The following CPA6 variants were observed in gnomAD, a reference collection of about 807,000 sequenced individuals.
CPA6 encodes the protein carboxypeptidase A6.
A neutral mutation model predicts 63.3 loss-of-function variants in CPA6; 58 were observed. That is an observed-to-expected ratio of 0.92 (90% CI 0.74 to 1.14). CPA6 has a LOEUF of 1.14. Among genes scored for constraint, CPA6 ranks in the 50% most tolerant of loss-of-function variants. CPA6 has a pLI of 0.00. For missense variants in CPA6, 565 were observed against 526.6 expected (o/e 1.07, Z -0.71); for synonymous variants, 185 against 179.0 (o/e 1.03, Z -0.27).
At chr8:67,645,933 C>T (rs1815703998) in intron 1 of CPA6, among the ~76,000 whole-genome samples, 1 of 152,134 alleles carries the variant, frequency 6.6e-6, no homozygotes, top group Non-Finnish European at 1.5e-5. Context: ...CAGTGTGATG[C>T]CTACCTGACC....
At chr8:67,652,139 A>G (rs1815856987) in intron 1 of CPA6, among the ~76,000 whole-genome samples, 1 of 152,094 alleles carries the variant, frequency 6.6e-6, no homozygotes, top group Admixed American at 6.5e-5. Flanking sequence ...AATTCAGTCT[A>G]TCATTGTTGG....
intron 2 of CPA6, among the ~76,000 whole-genome samples, chr8:67,613,037 C>G (rs569453326): frequency 2.7e-4 from 41 of 152,318 alleles, no homozygotes; most frequent in African/African-American, 9.4e-4. Context: ...AGGTGAGGCT[C>G]TAATGGAAGA....
intron 2 of CPA6, among the ~76,000 whole-genome samples, chr8:67,614,827 T>A (rs1289331143): frequency 2.6e-5 from 4 of 152,272 alleles, no homozygotes; most frequent in African/African-American, 9.6e-5. Context: ...GGCCACTGAA[T>A]AAAAACCTGG....
At chr8:67,655,272 A>G (rs1815958088) in intron 1 of CPA6, among the ~76,000 whole-genome samples, 1 of 152,148 alleles carries the variant, frequency 6.6e-6, no homozygotes, top group Admixed American at 6.6e-5. Flanking sequence ...GGAAAAAAGC[A>G]TATGCAAGTC....
intron 1 of CPA6, among the ~76,000 whole-genome samples, chr8:67,728,515 G>C (rs959409194): frequency 6.6e-6 from 1 of 152,070 alleles, no homozygotes; most frequent in African/African-American, 2.4e-5. Flanking sequence ...TGAACACATA[G>C]GTAGCATCCC....
chr8:67,483,940 A>T (rs568586177), intron 7 of CPA6, 82 bp from the exon 8 acceptor site: 1 of 1,122,018 alleles, frequency 8.9e-7, no homozygotes, highest in African/African-American at 1.5e-5. Context: ...AATCAATGAA[A>T]GAGTCATACC....
chr8:67,644,414 G>A (rs532075499), intron 1 of CPA6, among the ~76,000 whole-genome samples: 3 of 152,290 alleles, frequency 2.0e-5, no homozygotes, highest in East Asian at 3.9e-4. Context: ...CACCATGCCC[G>A]GCCATTATGG....
Position 67,523,008 on chromosome 8 carries a change from A to G in CPA6, c.193-4961T>C, listed in dbSNP as rs73692104. Among the ~76,000 whole-genome samples the G allele has an allele frequency of 2.8e-3, 425 of 152,334 alleles. 3 individuals carry two copies. The highest frequency in any genetic ancestry group is 9.5e-3 in the African/African-American group (395 of 41,582). Reference sequence around the variant, plus strand: ...AGTAGTTATTTTTGTTACCATTATCATGGAGATTACAGTGATTATAGAAAA... The same window carrying G: ...AGTAGTTATTTTTGTTACCATTATCGTGGAGATTACAGTGATTATAGAAAA... On this transcript the variant is annotated intron_variant, in intron 2 of 10. Coordinates refer to ENST00000297770, the MANE Select transcript of CPA6 (RefSeq NM_020361.5).
At chr8:67,704,635 G>A (rs868788256) in intron 1 of CPA6, among the ~76,000 whole-genome samples, 1 of 152,126 alleles carries the variant, frequency 6.6e-6, no homozygotes, top group Non-Finnish European at 1.5e-5. Flanking sequence ...GGATGAATAG[G>A]GGGCTTCTGT....
At chr8:67,427,912 A>G (rs1285407445) in intron 10 of CPA6, 135 bp downstream of exon 10, 14 of 606,734 alleles carry the variant, frequency 2.3e-5, no homozygotes, top group Non-Finnish European at 4.1e-5. Context: ...AACTCCTTCT[A>G]TTTTCCTCAG....
rs1436186592 is a variant in CPA6 at position 67,506,827 on chromosome 8, T to C, written c.596A>G (p.Glu199Gly). The C allele has an allele frequency of 2.5e-6, 4 of 1,613,440 alleles. No individual in the cohort carries two copies. The highest frequency in any genetic ancestry group is 3.3e-5 in the Admixed American group (2 of 59,948). ...CTGACAAAAGGCAGGACCAATCCAT[T>C]CTCTTGCATGAATACCACAGTCTAT... ...VWIDCGIHAR[E>G]WIGPAFCQWF... The change falls in exon 6 of 11, where the codon GAA becomes GGA. Residue 199 changes from glutamate to glycine, a missense_variant. Physicochemically the swap from Glu to Gly is moderately conservative, Grantham distance 98. Coordinates refer to ENST00000297770, the MANE Select transcript of CPA6 (RefSeq NM_020361.5).
At chr8:67,711,686 TACACACACACACAC>T (rs5892094) in intron 1 of CPA6, among the ~76,000 whole-genome samples, 4 of 133,862 alleles carry the variant, frequency 3.0e-5, no homozygotes, top group Non-Finnish European at 4.7e-5. Flanking sequence ...TATGCCTGTG[TACACACACACACAC>T]ACACACACAC....
At chr8:67,424,431 T>A (rs1345216916) in intron 10 of CPA6, among the ~76,000 whole-genome samples, 1 of 152,146 alleles carries the variant, frequency 6.6e-6, no homozygotes, top group Non-Finnish European at 1.5e-5. Context: ...GCCCTCTGAC[T>A]TTCCCCCGTT....
chr8:67,626,247 T>C (rs889083915), intron 1 of CPA6, among the ~76,000 whole-genome samples: 1 of 152,174 alleles, frequency 6.6e-6, no homozygotes. Context: ...GTTTCCAAGA[T>C]GAAGTAAGGC....
At chr8:67,703,599 A>G (rs1057398765) in intron 1 of CPA6, among the ~76,000 whole-genome samples, 2 of 152,166 alleles carry the variant, frequency 1.3e-5, no homozygotes, top group African/African-American at 4.8e-5. Context: ...TGCCTTAAAT[A>G]CACTCCCTGC....
intron 8 of CPA6, among the ~76,000 whole-genome samples, chr8:67,467,218 T>C (rs1170025790): frequency 2.6e-5 from 4 of 152,148 alleles, no homozygotes; most frequent in African/African-American, 9.6e-5. Flanking sequence ...CTGCCTCGAG[T>C]CTCTTCTCTG....
chr8:67,444,840 T>G (rs1810377667), intron 8 of CPA6, among the ~76,000 whole-genome samples: 1 of 151,578 alleles, frequency 6.6e-6, no homozygotes, highest in Admixed American at 6.6e-5. Context: ...AATATCAGTA[T>G]TTAAAAGAGG....
At chr8:67,445,501 T>C (rs1810391782) in intron 8 of CPA6, among the ~76,000 whole-genome samples, 1 of 152,152 alleles carries the variant, frequency 6.6e-6, no homozygotes, top group East Asian at 1.9e-4. Flanking sequence ...GTTTGTAGGC[T>C]AATATTATAT....
At chr8:67,687,048 G>C (rs993746856) in intron 1 of CPA6, among the ~76,000 whole-genome samples, 1 of 152,104 alleles carries the variant, frequency 6.6e-6, no homozygotes, top group Non-Finnish European at 1.5e-5. Flanking sequence ...CACCTGTCAG[G>C]GTTCAAGTTC....
Sources: gnomAD v4.1 joint callset for allele counts (sites outside exome capture counted in the v4.1 genomes callset) on GRCh38, gnomAD v4.1.1 for gene constraint, MANE v1.5 for transcripts, NCBI Gene and HGNC (gene_info 2026-07-23, HGNC 2026-07-21) for gene names.